ZFHX3: variants seen among roughly 807,000 people sequenced by gnomAD.
ZFHX3 encodes the protein zinc finger homeobox protein 3.
Under a neutral mutation model 279.1 loss-of-function variants are expected in ZFHX3, and 42 were observed. That is an observed-to-expected ratio of 0.15 (90% CI 0.12 to 0.19). ZFHX3 has a LOEUF of 0.19. ZFHX3 is among the 10% of genes least tolerant of loss of function. The probability of loss-of-function intolerance (pLI) is 1.00; values close to 1 mark genes in which losing one functional copy is unlikely to be tolerated. For missense variants in ZFHX3, 4,981 were observed against 4,754.0 expected (o/e 1.05, Z -1.40); for synonymous variants, 2,293 against 1,957.8 (o/e 1.17, Z -4.52).
At chr16:73,770,379 G>A (rs1020837412) in intron 1 of ZFHX3, among the ~76,000 whole-genome samples, 4 of 152,160 alleles carry the variant, frequency 2.6e-5, no homozygotes, top group African/African-American at 4.8e-5. Flanking sequence ...TTTCACCCAC[G>A]AAGACCCATT....
At chr16:73,687,011 AATATATATATATATATATAT>A (rs58565282) in intron 1 of ZFHX3, among the ~76,000 whole-genome samples, 2,575 of 53,220 alleles carry the variant, frequency 0.048, 131 homozygotes, top group Admixed American at 0.088. Context: ...TTTGCAGCTA[AATATATATATATATATATAT>A]ATATATATAT....
At chr16:73,806,600 G>C (rs992363569) in intron 1 of ZFHX3, among the ~76,000 whole-genome samples, 1 of 150,032 alleles carries the variant, frequency 6.7e-6, no homozygotes. Context: ...ACTGGTTGGT[G>C]GGGGGGGTCA....
intron 4 of ZFHX3, among the ~76,000 whole-genome samples, chr16:73,266,047 C>T (rs1374512381): frequency 6.6e-6 from 1 of 152,176 alleles, no homozygotes; most frequent in Non-Finnish European, 1.5e-5. Context: ...GAAAACAAAC[C>T]ACTTACTCTT....
At chr16:73,165,414 A>G (rs1214463524) in intron 5 of ZFHX3, among the ~76,000 whole-genome samples, 1 of 152,192 alleles carries the variant, frequency 6.6e-6, no homozygotes, top group Non-Finnish European at 1.5e-5. Context: ...AATCAGCTGC[A>G]AGGAACCCCA....
chr16:72,872,084 C>T (rs2038175586), intron 4 of ZFHX3, among the ~76,000 whole-genome samples: 1 of 139,636 alleles, frequency 7.2e-6, no homozygotes, highest in African/African-American at 2.8e-5. Flanking sequence ...GAGTGAGACT[C>T]TGTCTCCAAA....
At chr16:72,900,451 C>T (rs1198300808) in intron 3 of ZFHX3, among the ~76,000 whole-genome samples, 1 of 152,240 alleles carries the variant, frequency 6.6e-6, no homozygotes, top group Admixed American at 6.5e-5. Context: ...CCCTGTCTTA[C>T]ACAAAGCAAT....
intron 1 of ZFHX3, among the ~76,000 whole-genome samples, chr16:73,863,841 C>A (rs917649738): frequency 6.6e-6 from 1 of 152,148 alleles, no homozygotes; most frequent in African/African-American, 2.4e-5. Flanking sequence ...ATGTTCTAAT[C>A]CATCTTTTCA....
At chr16:73,762,458 C>T (rs1292154016) in intron 1 of ZFHX3, among the ~76,000 whole-genome samples, 1 of 152,106 alleles carries the variant, frequency 6.6e-6, no homozygotes, top group Non-Finnish European at 1.5e-5. Context: ...ACCCTTTGAC[C>T]CAGCAATCCC....
At chr16:72,800,440 T>C (rs1597247931) in intron 7 of ZFHX3, among the ~76,000 whole-genome samples, 1 of 152,352 alleles carries the variant, frequency 6.6e-6, no homozygotes, top group Non-Finnish European at 1.5e-5. Flanking sequence ...GTGAAACTTC[T>C]TGTGCAACCA....
intron 5 of ZFHX3, among the ~76,000 whole-genome samples, chr16:73,188,007 G>A (rs576186385): frequency 2.4e-4 from 37 of 152,052 alleles, no homozygotes; most frequent in Admixed American, 1.7e-3. Flanking sequence ...GACTACAGGC[G>A]CCTGCCACCA....
intron 5 of ZFHX3, among the ~76,000 whole-genome samples, chr16:72,822,894 C>T (rs1179950590): frequency 1.4e-5 from 2 of 146,762 alleles, no homozygotes; most frequent in African/African-American, 2.5e-5. Flanking sequence ...TCTCTTATGA[C>T]TTACAACATA....
intron 2 of ZFHX3, chr16:73,609,594 A>C (rs372011485): frequency 6.6e-6 from 1 of 152,256 alleles, no homozygotes; most frequent in African/African-American, 2.4e-5. Context: ...TTTTACCCTC[A>C]GCCACTGGGG....
intron 2 of ZFHX3, among the ~76,000 whole-genome samples, chr16:73,638,668 C>T (rs2052548466): frequency 6.6e-6 from 1 of 152,058 alleles, no homozygotes; most frequent in Non-Finnish European, 1.5e-5. Context: ...TTTTTGTTGG[C>T]CAAGTGTCTG....
At chr16:73,446,018 T>G (rs181373235) in intron 3 of ZFHX3, among the ~76,000 whole-genome samples, 25 of 152,348 alleles carry the variant, frequency 1.6e-4, no homozygotes, top group African/African-American at 5.8e-4. Flanking sequence ...TGGGATCACC[T>G]TACAAATAAA....
At chr16:73,313,180 C>T (rs1467224743) in intron 4 of ZFHX3, among the ~76,000 whole-genome samples, 9 of 152,194 alleles carry the variant, frequency 5.9e-5, no homozygotes, top group African/African-American at 2.2e-4. Context: ...CATATTAAGA[C>T]ATGCTTGCTT....
At chr16:73,141,288 A>G (rs987489646) in intron 6 of ZFHX3, among the ~76,000 whole-genome samples, 2 of 152,214 alleles carry the variant, frequency 1.3e-5, no homozygotes, top group African/African-American at 4.8e-5. Flanking sequence ...TACCCATTTA[A>G]AAAAGCTCAC....
In ZFHX3 at chr16:73,312,361, A is replaced by G. The variant is rs932677315; in HGVS notation, c.-1194+5879T>C. The stretch of plus-strand genomic sequence containing the variant: ...AATCACTGATGAGAACTGATCACTT[A>G]TCTTCTTTCACATAACTTCCAAACA... On this transcript the variant is annotated intron_variant, in intron 4 of 17. Transcript: ENST00000641206. Among the ~76,000 whole-genome samples the G allele has an allele frequency of 1.2e-4, 18 of 152,080 alleles. 1 individual carries two copies. The highest frequency in any genetic ancestry group is 4.3e-4 in the African/African-American group (18 of 41,404).
chr16:73,890,725 G>A (rs2030506826), intron 1 of ZFHX3, among the ~76,000 whole-genome samples: 1 of 152,074 alleles, frequency 6.6e-6, no homozygotes, highest in African/African-American at 2.4e-5. Context: ...TTAAATAAAA[G>A]CAAACGTGGA....
intron 2 of ZFHX3, among the ~76,000 whole-genome samples, chr16:73,581,312 A>T (rs1176196043): frequency 6.6e-6 from 1 of 151,858 alleles, no homozygotes; most frequent in Non-Finnish European, 1.5e-5. Context: ...AAATATATTA[A>T]TTCCTTCCAA....
Sources: gnomAD v4.1 joint callset for allele counts (sites outside exome capture counted in the v4.1 genomes callset) on GRCh38, gnomAD v4.1.1 for gene constraint, MANE v1.5 for transcripts, NCBI Gene and HGNC (gene_info 2026-07-23, HGNC 2026-07-21) for gene names.